The following NSMCE2 variants were observed in gnomAD, a reference collection of about 807,000 sequenced individuals.
NSMCE2 encodes the protein NSE2 SUMO ligase component of SMC5/6 complex, also known as E3 SUMO-protein ligase NSE2.
NSMCE2 carries 24 observed loss-of-function variants against 23.8 expected under a neutral mutation model. That is an observed-to-expected ratio of 1.01 (90% CI 0.73 to 1.42). NSMCE2 has a LOEUF of 1.42. Ranked by LOEUF, NSMCE2 falls within the 40% of genes most tolerant of loss-of-function variation. NSMCE2 has a pLI of 0.00. For missense variants in NSMCE2, 284 were observed against 296.5 expected (o/e 0.96, Z 0.31); for synonymous variants, 92 against 94.1 (o/e 0.98, Z 0.13).
intron 5 of NSMCE2, among the ~76,000 whole-genome samples, chr8:125,301,341 A>G (rs1042606809): frequency 6.6e-6 from 1 of 152,166 alleles, no homozygotes; most frequent in Non-Finnish European, 1.5e-5. Context: ...GCCAAAGGTA[A>G]TAGAATGCAG....
intron 3 of NSMCE2, among the ~76,000 whole-genome samples, chr8:125,124,807 T>A (rs1302301585): frequency 1.3e-5 from 2 of 151,938 alleles, no homozygotes; most frequent in Non-Finnish European, 2.9e-5. Context: ...GTTGTTGTTG[T>A]TTTTTGAGAC....
At chr8:125,247,640 G>A (rs1011320164) in intron 5 of NSMCE2, among the ~76,000 whole-genome samples, 15 of 151,158 alleles carry the variant, frequency 9.9e-5, no homozygotes, top group Admixed American at 2.0e-4. Context: ...CAGGAGAATC[G>A]CTTGAACCCA....
intron 5 of NSMCE2, among the ~76,000 whole-genome samples, chr8:125,281,745 C>A (rs1226166952): frequency 7.0e-6 from 1 of 142,862 alleles, no homozygotes; most frequent in Non-Finnish European, 1.5e-5. Context: ...ACGGCCGTAA[C>A]TTTTTTTTTT....
intron 5 of NSMCE2, among the ~76,000 whole-genome samples, chr8:125,239,387 T>G (rs974105778): frequency 6.6e-6 from 1 of 152,054 alleles, no homozygotes; most frequent in African/African-American, 2.4e-5. Flanking sequence ...GGTGGGCAGA[T>G]CACTTGAGGC....
intron 5 of NSMCE2, among the ~76,000 whole-genome samples, chr8:125,191,367 GT>G (rs1460559461): frequency 6.6e-6 from 1 of 151,996 alleles, no homozygotes; most frequent in Non-Finnish European, 1.5e-5. Context: ...ACTTTTGTGT[GT>G]TTTTTCTTTC....
At chr8:125,143,848 C>T (rs1167022258) in intron 3 of NSMCE2, among the ~76,000 whole-genome samples, 5 of 152,056 alleles carry the variant, frequency 3.3e-5, no homozygotes, top group Admixed American at 6.6e-5. Flanking sequence ...CACACATCCA[C>T]GTGTCCCAGT....
At chr8:125,332,680 A>G (rs1243859175) in intron 5 of NSMCE2, among the ~76,000 whole-genome samples, 1 of 152,222 alleles carries the variant, frequency 6.6e-6, no homozygotes, top group Non-Finnish European at 1.5e-5. Flanking sequence ...TGCTTTGTAC[A>G]CTGCTATAGC....
At chr8:125,205,771 A>G (rs904357909) in intron 5 of NSMCE2, among the ~76,000 whole-genome samples, 1 of 152,154 alleles carries the variant, frequency 6.6e-6, no homozygotes, top group Non-Finnish European at 1.5e-5. Context: ...GTTGAGAAAA[A>G]ATGGTTAGAA....
At chr8:125,235,564 A>G (rs1228782500) in intron 5 of NSMCE2, among the ~76,000 whole-genome samples, 3 of 152,052 alleles carry the variant, frequency 2.0e-5, no homozygotes, top group Admixed American at 1.3e-4. Flanking sequence ...ATGTATATAT[A>G]GATACATGGA....
intron 4 of NSMCE2, among the ~76,000 whole-genome samples, chr8:125,178,994 C>T (rs1417817934): frequency 2.0e-5 from 3 of 152,182 alleles, no homozygotes; most frequent in Non-Finnish European, 2.9e-5. Flanking sequence ...CATTTGATGC[C>T]ATAGGACCCA....
intron 3 of NSMCE2, among the ~76,000 whole-genome samples, chr8:125,142,129 A>G (rs1348064628): frequency 6.6e-6 from 1 of 152,192 alleles, no homozygotes; most frequent in Non-Finnish European, 1.5e-5. Flanking sequence ...CTTGCAGAAT[A>G]GTTATCTATT....
intron 5 of NSMCE2, among the ~76,000 whole-genome samples, chr8:125,267,914 G>C (rs1365256152): frequency 1.3e-5 from 2 of 152,050 alleles, no homozygotes; most frequent in Non-Finnish European, 2.9e-5. Context: ...AGCAGAGAGA[G>C]TACTTATCCA....
At chr8:125,183,947 A>G (rs996184262) in intron 5 of NSMCE2, among the ~76,000 whole-genome samples, 1 of 152,116 alleles carries the variant, frequency 6.6e-6, no homozygotes, top group Non-Finnish European at 1.5e-5. Context: ...GAACTAATAT[A>G]TGTACCAGTT....
At chr8:125,313,365 A>G (rs985774598) in intron 5 of NSMCE2, among the ~76,000 whole-genome samples, 7 of 152,180 alleles carry the variant, frequency 4.6e-5, no homozygotes, top group Admixed American at 6.5e-5. Context: ...AAAGTCAAGT[A>G]TGGGGAGAAA....
chr8:125,226,382 A>G (rs1825093818), intron 5 of NSMCE2, among the ~76,000 whole-genome samples: 1 of 152,216 alleles, frequency 6.6e-6, no homozygotes, highest in Non-Finnish European at 1.5e-5. Context: ...GGTCGTTTGT[A>G]ATTGAAGACA....
Position 125,193,835 on chromosome 8 carries a change from C to T in NSMCE2, c.418+11579C>T, listed in dbSNP as rs190272021. Among the ~76,000 whole-genome samples the T allele has an allele frequency of 2.3e-3, 354 of 152,324 alleles. 2 individuals carry two copies. The highest frequency in any genetic ancestry group is 3.4e-3 in the Admixed American group (52 of 15,302). On this transcript the variant is annotated intron_variant, in intron 5 of 7. Transcript: ENST00000287437. ...AGTCTCTGCCTATCACTGAGACAGT[C>T]TGGTGGACAGTGAGAAGCAGCCTCA...
chr8:125,157,886 A>G (rs553199128), intron 4 of NSMCE2, among the ~76,000 whole-genome samples: 5 of 152,216 alleles, frequency 3.3e-5, no homozygotes, highest in Admixed American at 6.5e-5. Flanking sequence ...GGATGTGAAT[A>G]AGTATAATAG....
intron 5 of NSMCE2, among the ~76,000 whole-genome samples, chr8:125,226,126 T>C (rs1258174105): frequency 5.3e-5 from 8 of 152,236 alleles, no homozygotes. Context: ...CATTTTGTTT[T>C]GATCTTTTTC....
At chr8:125,184,145 T>G (rs527689177) in intron 5 of NSMCE2, among the ~76,000 whole-genome samples, 1 of 152,182 alleles carries the variant, frequency 6.6e-6, no homozygotes, top group Non-Finnish European at 1.5e-5. Flanking sequence ...TCACAATTCC[T>G]GAGTTTTAAG....
Sources: gnomAD v4.1 joint callset for allele counts (sites outside exome capture counted in the v4.1 genomes callset) on GRCh38, gnomAD v4.1.1 for gene constraint, MANE v1.5 for transcripts, NCBI Gene and HGNC (gene_info 2026-07-23, HGNC 2026-07-21) for gene names.